The following SV2B variants were observed in gnomAD, a reference collection of about 807,000 sequenced individuals.
The protein encoded by SV2B is solute carrier family 22 member B2.
SV2B carries 41 observed loss-of-function variants against 73.9 expected under a neutral mutation model. The observed-to-expected ratio is 0.56, with a 90% CI of 0.43 to 0.72. The LOEUF (loss-of-function observed/expected upper bound fraction) is 0.72, where lower values mean the gene tolerates loss of function less well. SV2B is among the 30% of genes least tolerant of loss of function. The pLI is 0.00. For synonymous variants in SV2B, 314 were observed against 314.2 expected, an observed-to-expected ratio of 1.00 and a Z score of 0.01; for missense variants, 764 against 857.8, an observed-to-expected ratio of 0.89 and a Z score of 1.37.
chr15:91,178,953 C>T (rs566060362), intron 1 of SV2B, among the ~76,000 whole-genome samples: 2 of 151,144 alleles, frequency 1.3e-5, no homozygotes, highest in Non-Finnish European at 2.9e-5. Context: ...TGTGTTTGCT[C>T]TTGCTTTTCT....
In SV2B at chr15:91,248,165, C is replaced by CA. The variant is rs534556244; in HGVS notation, c.452-3648dup. On this transcript the variant is annotated intron_variant, in intron 2 of 12. Transcript: ENST00000394232. ...TGAAACCCCGTCTCTACTAAAAATA[C>CA]AAAAAATTAGCCGGGCGTGGTGGTG... is the stretch of plus-strand genomic sequence containing the variant. 7.2e-5 allele frequency among the ~76,000 whole-genome samples: 11 copies of CA among 152,024 alleles called. No homozygotes were observed. The South Asian group carries it at 2.1e-3, about 29-fold the overall frequency.
At chr15:91,152,513 G>C (rs1435953972) in intron 1 of SV2B, among the ~76,000 whole-genome samples, 1 of 152,126 alleles carries the variant, frequency 6.6e-6, no homozygotes. Flanking sequence ...TTTACATCTT[G>C]TCCTTAAATA....
chr15:91,255,564 A>G (rs373872681), intron 4 of SV2B, among the ~76,000 whole-genome samples: 2 of 152,192 alleles, frequency 1.3e-5, no homozygotes, highest in East Asian at 1.9e-4. Context: ...ACAAATCACC[A>G]CTAGAGAACT....
At chr15:91,257,491 A>G (rs1490421797) in intron 4 of SV2B, among the ~76,000 whole-genome samples, 1 of 152,250 alleles carries the variant, frequency 6.6e-6, no homozygotes, top group African/African-American at 2.4e-5. Flanking sequence ...CAATGCTTTG[A>G]ATAATGATGA....
intron 1 of SV2B, among the ~76,000 whole-genome samples, chr15:91,125,834 A>G (rs1046400523): frequency 2.0e-5 from 3 of 148,246 alleles, no homozygotes; most frequent in African/African-American, 7.4e-5. Flanking sequence ...TAAAGAGCAG[A>G]GTGAGAAAAT....
chr15:91,147,965 C>CCTTTTTTTTTT, intron 1 of SV2B, among the ~76,000 whole-genome samples: 1 of 39,260 alleles, frequency 2.5e-5, no homozygotes, highest in Non-Finnish European at 4.4e-5. Flanking sequence ...CCCCCCCCAA[C>CCTTTTTTTTTT]TTTTTTTTTT....
chr15:91,164,044 T>A (rs754202268), intron 1 of SV2B, among the ~76,000 whole-genome samples: 3 of 152,204 alleles, frequency 2.0e-5, no homozygotes, highest in Non-Finnish European at 4.4e-5. Flanking sequence ...TTCTTGTTTT[T>A]ATCAGGTTTG....
At chr15:91,178,063 T>A (rs1487647057) in intron 1 of SV2B, among the ~76,000 whole-genome samples, 4 of 151,924 alleles carry the variant, frequency 2.6e-5, no homozygotes, top group African/African-American at 7.3e-5. Flanking sequence ...TTGAGATACA[T>A]CCCATCAATA....
chr15:91,225,815 AT>A (rs2046356199), intron 1 of SV2B, 57 bp from the exon 2 acceptor site: 1 of 170,078 alleles, frequency 5.9e-6, no homozygotes, highest in African/African-American at 2.4e-5. Context: ...TTCTGAGAGT[AT>A]TTTGTTAGAA....
intron 1 of SV2B, among the ~76,000 whole-genome samples, chr15:91,198,342 C>A (rs1220458048): frequency 6.6e-6 from 1 of 152,264 alleles, no homozygotes; most frequent in Middle Eastern, 3.4e-3. Flanking sequence ...ATGCTTTCAT[C>A]AAGGCACCAA....
rs1030582954 is a variant in SV2B at position 91,130,194 on chromosome 15, G to T, written c.-392+29831G>T. On this transcript the variant is annotated intron_variant, in intron 1 of 12. Transcript: ENST00000394232. This position sits in a 1 kb window ranked among gnomAD's most constrained non-coding sequence, Gnocchi z 5.6. ...AGGACTTGGCAAGTCTAGGAAGTGG[G>T]GCTGAGGAGAGTGAGAGGAGTGACA... is the stretch of plus-strand genomic sequence containing the variant. Among the ~76,000 whole-genome samples the T allele has an allele frequency of 6.6e-6, 1 of 152,206 alleles. No individual in the cohort carries two copies. The highest frequency in any genetic ancestry group is 2.4e-5 in the African/African-American group (1 of 41,452).
At chr15:91,213,755 TA>T (rs1035188069) in intron 1 of SV2B, among the ~76,000 whole-genome samples, 2 of 152,122 alleles carry the variant, frequency 1.3e-5, no homozygotes, top group African/African-American at 4.8e-5. Flanking sequence ...AGGGTTACTA[TA>T]AAAAAAGACA....
At chr15:91,104,001 C>A (rs1044398182) in intron 1 of SV2B, among the ~76,000 whole-genome samples, 1 of 152,130 alleles carries the variant, frequency 6.6e-6, no homozygotes, top group Non-Finnish European at 1.5e-5. Context: ...TCATAACAGC[C>A]AAATCACAAG....
intron 2 of SV2B, among the ~76,000 whole-genome samples, chr15:91,238,918 A>G (rs1456925659): frequency 1.3e-5 from 2 of 152,092 alleles, no homozygotes; most frequent in Non-Finnish European, 2.9e-5. Flanking sequence ...GGTGGAGCTC[A>G]TGACTGCCAG....
chr15:91,259,086 A>G (rs2047813301), intron 5 of SV2B, among the ~76,000 whole-genome samples: 1 of 151,634 alleles, frequency 6.6e-6, no homozygotes, highest in Non-Finnish European at 1.5e-5. Flanking sequence ...ACAAAGAGAC[A>G]CCCTGTCTCA....
At chr15:91,166,205 G>T (rs1386536478) in intron 1 of SV2B, among the ~76,000 whole-genome samples, 3 of 152,080 alleles carry the variant, frequency 2.0e-5, no homozygotes, top group African/African-American at 4.8e-5. Flanking sequence ...AGCATATTAG[G>T]TACCAATAGC....
chr15:91,229,240 C>T lies in SV2B; in HGVS notation c.451+2526C>T, dbSNP rs546904744. 6.6e-5 allele frequency among the ~76,000 whole-genome samples: 10 copies of T among 151,848 alleles called. No individual in the cohort carries two copies. In the South Asian group the frequency reaches 1.7e-3, roughly 25 times the overall value. ...CTGGAGTCCAACCTCTAGGGTTTGG[C>T]GACTGGGTACGTCCTACATGTCATC... On this transcript the variant is annotated intron_variant, in intron 2 of 12. Coordinates refer to ENST00000394232, the MANE Select transcript of SV2B (RefSeq NM_001323032.3). This position sits in a 1 kb window ranked among gnomAD's most constrained non-coding sequence, Gnocchi z 4.3.
chr15:91,277,950 T>C (rs1596770547), intron 9 of SV2B, among the ~76,000 whole-genome samples: 4 of 152,204 alleles, frequency 2.6e-5, no homozygotes, highest in African/African-American at 7.2e-5. Flanking sequence ...ATTTCACCAC[T>C]CAGGTATCTT....
chr15:91,252,219 C>A lies in SV2B; in HGVS notation c.633-150C>A. ...CAAAATAATCCAAGACTGCTTCCCA[C>A]ATGTAGAGAGGAACTAACTGGCCGG... On this transcript the variant is annotated intron_variant, in intron 3 of 12. Coordinates refer to ENST00000394232, the MANE Select transcript of SV2B (RefSeq NM_001323032.3). The surrounding 1 kb of genome is among the most constrained non-coding windows in gnomAD (Gnocchi z 4.6). The A allele has an allele frequency of 1.7e-6, 2 of 1,184,848 alleles. No homozygotes were observed. The highest frequency in any genetic ancestry group is 2.4e-6 in the Non-Finnish European group (2 of 846,340). The allele number at this position is 1,184,848 out of a possible 1,614,324, so 73.4% of individuals were successfully genotyped here.
Sources: gnomAD v4.1 joint callset for allele counts (sites outside exome capture counted in the v4.1 genomes callset) on GRCh38, gnomAD v4.1.1 for gene constraint, Gnocchi (gnomAD v3.1) non-coding constraint, MANE v1.5 for transcripts, NCBI Gene and HGNC (gene_info 2026-07-23, HGNC 2026-07-21) for gene names.